Variants in ADARB1 observed in about 807,000 individuals in gnomAD.
The protein encoded by ADARB1 is adenosine deaminase RNA specific B1, also known as double-stranded RNA-specific editase 1.
In ADARB1, 10 loss-of-function variants were observed where a neutral mutation model predicts 52.4. The observed-to-expected ratio is 0.19, with a 90% CI of 0.12 to 0.32. The LOEUF (loss-of-function observed/expected upper bound fraction) is 0.32. ADARB1 is among the 10% of genes least tolerant of loss of function. The pLI, the probability that ADARB1 is intolerant of heterozygous loss-of-function variation, is 1.00. For missense variants in ADARB1, 643 were observed against 922.3 expected (o/e 0.70, Z 3.92); for synonymous variants, 349 against 371.1 (o/e 0.94, Z 0.68).
intron 2 of ADARB1, among the ~76,000 whole-genome samples, chr21:45,164,900 A>G (rs531312913): frequency 6.6e-6 from 1 of 152,016 alleles, no homozygotes. Context: ...GTGAGAGGGG[A>G]GAGAGAACCA....
chr21:45,175,768 GACA>G lies in ADARB1; in HGVS notation c.70_72del (p.Asn24del), dbSNP rs748955652. On this transcript the variant is annotated inframe_deletion, in exon 4 of 11. Coordinates refer to ENST00000348831, the MANE Select transcript of ADARB1 (RefSeq NM_001112.4). The stretch of plus-strand genomic sequence containing the variant: ...TGATGTGAAGGAAAACCGCAATCTG[GACA>G]ACGTGTCCCCCAAGGATGGCAGCAC... 9 of 1,614,028 alleles carry G rather than the reference GACA, an allele frequency of 5.6e-6. No individual in the cohort carries two copies. The highest frequency in any genetic ancestry group is 3.3e-4 in the Middle Eastern group (2 of 6,080).
At chr21:45,130,864 T>TG (rs1188789303) in intron 2 of ADARB1, among the ~76,000 whole-genome samples, 1 of 152,174 alleles carries the variant, frequency 6.6e-6, no homozygotes, top group Non-Finnish European at 1.5e-5. Flanking sequence ...TGGAACATCT[T>TG]GGGGGGATAC....
intron 1 of ADARB1, among the ~76,000 whole-genome samples, chr21:45,112,090 T>C (rs1257377289): frequency 6.6e-6 from 1 of 152,218 alleles, no homozygotes; most frequent in East Asian, 1.9e-4. Context: ...ACTAGTGAGA[T>C]TGAGCTTTTG....
intron 8 of ADARB1, among the ~76,000 whole-genome samples, chr21:45,194,966 A>G (rs2092392963): frequency 6.6e-6 from 1 of 152,110 alleles, no homozygotes. Context: ...TATGGTGAGG[A>G]TATGTTGAGT....
At chr21:45,197,528 G>C (rs1221830555) in intron 8 of ADARB1, among the ~76,000 whole-genome samples, 2 of 151,706 alleles carry the variant, frequency 1.3e-5, no homozygotes, top group African/African-American at 4.9e-5. Context: ...TTACAGATAT[G>C]CCTGCCATGT....
chr21:45,223,611 G>A lies in ADARB1; in HGVS notation c.*1414G>A, dbSNP rs2093003610. 2.0e-6 allele frequency: 2 copies of A among 985,854 alleles called. No homozygotes were observed. Among genetic ancestry groups the A allele is most frequent in the Non-Finnish European group, 2.4e-6 (2 of 830,300 alleles). 61.1% of individuals were successfully genotyped at this position (985,854 alleles called of 1,614,324 possible). On this transcript the variant is annotated 3_prime_UTR_variant, in exon 11 of 11. Transcript: ENST00000348831. ...CCTGGGGCCATGGGGAGAGATTGGTGCAGACCTTACCCCACAGCATACACC... is the reference window on the plus strand; with the variant it reads ...CCTGGGGCCATGGGGAGAGATTGGTACAGACCTTACCCCACAGCATACACC...
chr21:45,078,922 A>G (rs982130880), intron 1 of ADARB1, among the ~76,000 whole-genome samples: 6 of 152,182 alleles, frequency 3.9e-5, no homozygotes, highest in African/African-American at 1.4e-4. Context: ...CCCATGTTAC[A>G]GGGGGGAATA....
intron 1 of ADARB1, among the ~76,000 whole-genome samples, chr21:45,077,082 T>A (rs1353177328): frequency 6.6e-6 from 1 of 152,248 alleles, no homozygotes; most frequent in African/African-American, 2.4e-5. Context: ...TATGTTTTAA[T>A]ATATGACAAA....
chr21:45,115,587 T>A (rs1284140902), intron 1 of ADARB1, among the ~76,000 whole-genome samples: 1 of 152,222 alleles, frequency 6.6e-6, no homozygotes, highest in Non-Finnish European at 1.5e-5. Context: ...GCATAATCTC[T>A]TCCCCTTTTT....
intron 2 of ADARB1, among the ~76,000 whole-genome samples, chr21:45,129,228 CA>C (rs959880659): frequency 2.6e-4 from 37 of 142,284 alleles, no homozygotes; most frequent in African/African-American, 3.6e-4. Context: ...GACTCTTTCT[CA>C]AAAAAAAAAA....
intron 1 of ADARB1, among the ~76,000 whole-genome samples, chr21:45,110,302 C>G (rs1300214532): frequency 6.6e-6 from 1 of 152,166 alleles, no homozygotes; most frequent in Non-Finnish European, 1.5e-5. Flanking sequence ...AAATGTTCAT[C>G]TGTTTATTCT....
intron 1 of ADARB1, among the ~76,000 whole-genome samples, chr21:45,107,833 A>G (rs570505810): frequency 3.9e-5 from 6 of 152,364 alleles, no homozygotes; most frequent in South Asian, 2.1e-4. Flanking sequence ...GAAAAGATGG[A>G]TGAATTTGAC....
intron 1 of ADARB1, among the ~76,000 whole-genome samples, chr21:45,093,568 T>G (rs1157311750): frequency 6.6e-6 from 1 of 152,218 alleles, no homozygotes; most frequent in Admixed American, 6.5e-5. Context: ...TTACCCTGTT[T>G]GGAGTGAAGG....
At chr21:45,178,602 A>G (rs1468630978) in intron 4 of ADARB1, among the ~76,000 whole-genome samples, 1 of 152,142 alleles carries the variant, frequency 6.6e-6, no homozygotes, top group Non-Finnish European at 1.5e-5. Context: ...TTCAACAGGA[A>G]ATTTCCAAAT....
At chr21:45,099,374 T>C (rs2086901610) in intron 1 of ADARB1, among the ~76,000 whole-genome samples, 4 of 152,118 alleles carry the variant, frequency 2.6e-5, no homozygotes, top group Admixed American at 1.3e-4. Context: ...AAAAAATAAT[T>C]TACAGGCTGG....
At position 45,187,620 on chromosome 21, in the gene ADARB1, G is replaced by A. The variant is rs562867447; in HGVS notation, c.1565+2529G>A. On this transcript the variant is annotated intron_variant, in intron 8 of 10. Transcript: ENST00000348831. ...GAGGAACAGTTTTCAGTCTTTCACC[G>A]TTGAGTACAGTATTAACTGTGGTCT... Among the ~76,000 whole-genome samples, 43 of 152,256 alleles carry A rather than the reference G, an allele frequency of 2.8e-4. No individual in the cohort carries two copies. In the South Asian group the frequency reaches 6.0e-3, roughly 21 times the overall value.
chr21:45,164,330 C>T (rs905175685), intron 2 of ADARB1, among the ~76,000 whole-genome samples: 9 of 152,098 alleles, frequency 5.9e-5, no homozygotes, highest in African/African-American at 2.2e-4. Flanking sequence ...CCTGCGTTGG[C>T]ACAAGTACTG....
At chr21:45,201,408 A>G (rs2092551406) in intron 8 of ADARB1, among the ~76,000 whole-genome samples, 1 of 152,224 alleles carries the variant, frequency 6.6e-6, no homozygotes, top group South Asian at 2.1e-4. Flanking sequence ...AGGTTTCTGC[A>G]GGATCACTGC....
At chr21:45,124,500 G>T (rs1039607910) in intron 1 of ADARB1, among the ~76,000 whole-genome samples, 3 of 151,662 alleles carry the variant, frequency 2.0e-5, no homozygotes, top group African/African-American at 7.3e-5. Flanking sequence ...TCAGCCTTCT[G>T]AGTAGCTGTG....
Sources: gnomAD v4.1 joint callset for allele counts (sites outside exome capture counted in the v4.1 genomes callset) on GRCh38, gnomAD v4.1.1 for gene constraint, MANE v1.5 for transcripts, NCBI Gene and HGNC (gene_info 2026-07-23, HGNC 2026-07-21) for gene names.